Variants in SRRM2 observed in about 807,000 individuals in gnomAD.
SRRM2 encodes serine/arginine repetitive matrix protein 2.
In SRRM2, 30 loss-of-function variants were observed where a neutral mutation model predicts 213.8. The observed-to-expected ratio is 0.14, with a 90% confidence interval of 0.10 to 0.19. The LOEUF is 0.19. SRRM2 is among the 10% of genes least tolerant of loss of function. The pLI, the probability that SRRM2 is intolerant of heterozygous loss-of-function variation, is 1.00. For synonymous variants in SRRM2, 2,025 were observed against 1,377.7 expected (o/e 1.47, Z -10.40); for missense variants, 4,904 against 3,647.0 (o/e 1.34, Z -8.88).
chr16:2,758,020 C>A (rs1157634874), intron 4 of SRRM2, 75 bp downstream of exon 4: 44 of 1,511,636 alleles, frequency 2.9e-5, no homozygotes, highest in Non-Finnish European at 3.7e-5. Flanking sequence ...TGTCTTTTTG[C>A]GGGCTGGTTT....
In SRRM2 at chr16:2,764,051, G is replaced by T; in HGVS notation, c.3523G>T (p.Asp1175Tyr). 6.2e-7 allele frequency: 1 copy of T among 1,614,178 alleles called. No individual in the cohort carries two copies. The highest frequency in any genetic ancestry group is 8.5e-7 in the Non-Finnish European group (1 of 1,180,036). The stretch of plus-strand genomic sequence containing the variant: ...GAAAATGGCCTTACCCCCTCAGGAG[G>T]ATGCTACTGCATCACCTCCTAGACA... ...KEKMALPPQE[D>Y]ATASPPRQKD... is the part of the protein sequence containing the mutation. Residue 1175 changes from aspartate (D) to tyrosine (Y), a missense_variant, in exon 11 of 15, where the codon GAT (aspartate) becomes TAT (tyrosine). Coordinates refer to ENST00000301740, the MANE Select transcript of SRRM2 (RefSeq NM_016333.4).
At chr16:2,760,144 C>G in intron 9 of SRRM2, 157 bp from the exon 10 acceptor site, 1 of 711,446 alleles carries the variant, frequency 1.4e-6, no homozygotes, top group Non-Finnish European at 2.4e-6. Context: ...GTGGACTGTA[C>G]TTGCATTTCA....
chr16:2,758,897 T>C (rs1345361124), intron 5 of SRRM2, 88 bp from the exon 6 acceptor site: 3 of 1,491,534 alleles, frequency 2.0e-6, no homozygotes, highest in East Asian at 2.3e-5. Flanking sequence ...TTCAAGTGTT[T>C]TAGAAACCTT....
In SRRM2 at chr16:2,765,331, C is replaced by G. The variant is rs1782302344; in HGVS notation, c.4803C>G (p.Ser1601=). Residue 1601 remains serine (S), a synonymous_variant, in exon 11 of 15, where the codon TCC becomes TCG. Transcript: ENST00000301740. ...CTCGGCGCAGTAGGTCTGGTTCCTC[C>G]CCTGAAGTGAAAGATAAGCCAAGAG... ...LSPRRSRSGS[S]PEVKDKPRAA... 3 of 1,614,114 alleles carry G rather than the reference C, an allele frequency of 1.9e-6. No individual in the cohort carries two copies. The highest frequency in any genetic ancestry group is 3.3e-5 in the Admixed American group (2 of 60,024).
In SRRM2 at chr16:2,767,943, C is replaced by T; in HGVS notation, c.7415C>T (p.Ser2472Phe). 1 of 1,614,214 alleles carries T rather than the reference C, an allele frequency of 6.2e-7. No individual in the cohort carries two copies. ...LIAQTTPVAGSQSLSSGAVAT... is the reference protein window; with the variant it reads ...LIAQTTPVAGFQSLSSGAVAT... Reference sequence around the variant, plus strand: ...GCCCAGACCACCCCTGTAGCAGGGTCTCAGTCCCTTTCCTCTGGGGCAGTG... The same window carrying T: ...GCCCAGACCACCCCTGTAGCAGGGTTTCAGTCCCTTTCCTCTGGGGCAGTG... The change falls in exon 11 of 15, where the codon TCT (serine) becomes TTT (phenylalanine). Residue 2472 changes from serine (S) to phenylalanine (F), a missense_variant. Physicochemically the swap from Ser to Phe is radical, Grantham distance 155 (BLOSUM62 -2). Coordinates refer to ENST00000301740, the MANE Select transcript of SRRM2 (RefSeq NM_016333.4).
intron 11 of SRRM2, chr16:2,768,493 C>G: frequency 1.5e-6 from 1 of 685,004 alleles, no homozygotes; most frequent in East Asian, 2.7e-5. Flanking sequence ...GATAAGTTTT[C>G]CGTCTCTACA....
chr16:2,753,989 A>C (rs2068044743), intron 1 of SRRM2, among the ~76,000 whole-genome samples: 2 of 151,656 alleles, frequency 1.3e-5, no homozygotes, highest in African/African-American at 4.9e-5. Context: ...TTAGCTTACC[A>C]CTCGGATAAT....
chr16:2,757,568 G>T lies in SRRM2; in HGVS notation c.339G>T (p.Gly113=). Reference sequence around the variant, plus strand: ...CTGGGGGCAAGGAGGAGACCCCAGGGCAGAGGCCAGCGTGAGTGTTGCGCT... The same window carrying T: ...CTGGGGGCAAGGAGGAGACCCCAGGTCAGAGGCCAGCGTGAGTGTTGCGCT... ...VNPGGKEETP[G]QRPAVTETHQ... is the part of the protein sequence containing the mutation. Residue 113 remains glycine, a synonymous_variant, in exon 3 of 15, where the codon GGG becomes GGT. Coordinates refer to ENST00000301740, the MANE Select transcript of SRRM2 (RefSeq NM_016333.4). The T allele has an allele frequency of 6.2e-7, 1 of 1,613,682 alleles. No homozygotes were observed. Among genetic ancestry groups the T allele is most frequent in the Non-Finnish European group, 8.5e-7 (1 of 1,179,704 alleles).
chr16:2,754,137 G>A (rs1322705537), intron 1 of SRRM2, among the ~76,000 whole-genome samples: 1 of 152,128 alleles, frequency 6.6e-6, no homozygotes, highest in Non-Finnish European at 1.5e-5. Context: ...GGTGATTTGT[G>A]TGTGGTGTTG....
rs2068488975 is a variant in SRRM2, at chr16:2,764,979, C to T, written c.4451C>T (p.Pro1484Leu). 6.2e-7 allele frequency: 1 copy of T among 1,613,978 alleles called. No homozygotes were observed. Among genetic ancestry groups the T allele is most frequent in the African/African-American group, 1.3e-5 (1 of 74,890 alleles). Residue 1484 changes from proline (P) to leucine (L), a missense_variant, in exon 11 of 15, where the codon CCA (proline) becomes CTA (leucine). Coordinates refer to ENST00000301740, the MANE Select transcript of SRRM2 (RefSeq NM_016333.4). ...SRGRSECDSS[P>L]EPKALPQTPR... is the part of the protein sequence containing the mutation. ...GGGAGAAGCGAATGTGATTCTTCCCCAGAACCGAAAGCTTTGCCTCAGACT... is the reference window on the plus strand; with the variant it reads ...GGGAGAAGCGAATGTGATTCTTCCCTAGAACCGAAAGCTTTGCCTCAGACT...
chr16:2,766,718 G>A lies in SRRM2; in HGVS notation c.6190G>A (p.Gly2064Ser). 6.2e-7 allele frequency: 1 copy of A among 1,614,168 alleles called. No individual in the cohort carries two copies. The highest frequency in any genetic ancestry group is 8.5e-7 in the Non-Finnish European group (1 of 1,180,044). ...SRSRTPRTAR[G>S]KRSLTRSPPA... Reference sequence around the variant, plus strand: ...ATCCCGTACTCCACGAACAGCTCGGGGTAAACGGTCCTTAACAAGATCTCC... The same window carrying A: ...ATCCCGTACTCCACGAACAGCTCGGAGTAAACGGTCCTTAACAAGATCTCC... Residue 2064 changes from glycine (G) to serine (S), a missense_variant, in exon 11 of 15, where the codon GGT becomes AGT. Gly to Ser is a moderately conservative substitution (Grantham distance 56). Transcript: ENST00000301740. This position sits in a 1 kb window ranked among gnomAD's most constrained non-coding sequence, Gnocchi z 7.0.
At chr16:2,753,131 G>A (rs945616609) in intron 1 of SRRM2, among the ~76,000 whole-genome samples, 3 of 151,046 alleles carry the variant, frequency 2.0e-5, no homozygotes, top group Admixed American at 6.6e-5. Flanking sequence ...CGCGCGCCTC[G>A]GCTTCACTCC....
In SRRM2 at chr16:2,762,764, A is replaced by T. The variant is rs2068403677; in HGVS notation, c.2236A>T (p.Ser746Cys). ...TSQRRSRSNS[S>C]PEMKKSRISS... is the part of the protein sequence containing the mutation. ...TCAAAGAAGAAGCAGGTCCAATTCAAGCCCAGAAATGAAGAAATCTCGCAT... is the reference window on the plus strand; with the variant it reads ...TCAAAGAAGAAGCAGGTCCAATTCATGCCCAGAAATGAAGAAATCTCGCAT... Residue 746 changes from serine (S) to cysteine (C), a missense_variant, in exon 11 of 15, where the codon AGC (serine) becomes TGC (cysteine). Coordinates refer to ENST00000301740, the MANE Select transcript of SRRM2 (RefSeq NM_016333.4). The T allele has an allele frequency of 6.2e-7, 1 of 1,614,074 alleles. No individual in the cohort carries two copies. The highest frequency in any genetic ancestry group is 1.3e-5 in the African/African-American group (1 of 74,940).
At position 2,770,653 on chromosome 16, in the gene SRRM2, T is replaced by TC; in HGVS notation, c.8190dup (p.Ser2731GlnfsTer10). 6.4e-7 allele frequency: 1 copy of TC among 1,551,478 alleles called. No homozygotes were observed. The highest frequency in any genetic ancestry group is 8.7e-7 in the Non-Finnish European group (1 of 1,147,612). On this transcript the variant is annotated frameshift_variant, in exon 14 of 15. Coordinates refer to ENST00000301740, the MANE Select transcript of SRRM2 (RefSeq NM_016333.4). LOFTEE classifies it high-confidence loss of function. ...GAGAGGCCAGCGTGGGGACAGCCGC[T>TC]CCCCCAGCCACAAGCGCAGGAGGGA...
In SRRM2 at chr16:2,768,043, TGTG is replaced by T; in HGVS notation, c.7517_7519del (p.Val2506del). On this transcript the variant is annotated inframe_deletion, in exon 11 of 15. Coordinates refer to ENST00000301740, the MANE Select transcript of SRRM2 (RefSeq NM_016333.4). Reference sequence around the variant, plus strand: ...CTGCCCCTGGGGTGCCCCACTCTGATGTGGGGGAGCCACCTGCCTCTACTGGGG... The same window carrying T: ...CTGCCCCTGGGGTGCCCCACTCTGATGGGGAGCCACCTGCCTCTACTGGGG... The T allele has an allele frequency of 1.2e-6, 2 of 1,614,122 alleles. No individual in the cohort carries two copies. The highest frequency in any genetic ancestry group is 1.7e-6 in the Non-Finnish European group (2 of 1,179,980).
intron 1 of SRRM2, among the ~76,000 whole-genome samples, chr16:2,755,860 C>T (rs756109082): frequency 6.6e-6 from 1 of 152,018 alleles, no homozygotes; most frequent in Non-Finnish European, 1.5e-5. Flanking sequence ...GGACTAGAGG[C>T]CGTTGGGTGC....
rs1419700523 is a variant in SRRM2, at chr16:2,754,598, C to T, written c.-31-1736C>T. On this transcript the variant is annotated intron_variant, in intron 1 of 14. Coordinates refer to ENST00000301740, the MANE Select transcript of SRRM2 (RefSeq NM_016333.4). ...AGCCACCGTACCCGGCCTGGTTTTC[C>T]TTTCTTAAGGAGTGGGGGGATTTTT... 2.6e-5 allele frequency among the ~76,000 whole-genome samples: 4 copies of T among 152,104 alleles called. No homozygotes were observed. In the South Asian group the frequency reaches 6.2e-4, roughly 24 times the overall value.
Position 2,765,073 on chromosome 16 carries a change from A to G in SRRM2, c.4545A>G (p.Glu1515=), listed in dbSNP as rs776148473. Residue 1515 remains glutamate, a synonymous_variant, in exon 11 of 15, where the codon GAA becomes GAG. Transcript: ENST00000301740. ...LNNKCLTPQR[E]RSGSESSVDQ... is the part of the protein sequence containing the mutation. The stretch of plus-strand genomic sequence containing the variant: ...ACAAGTGTCTTACCCCCCAGAGAGA[A>G]AGAAGCGGGTCAGAATCATCAGTTG... 1.2e-5 allele frequency: 19 copies of G among 1,614,024 alleles called. No homozygotes were observed. In the Admixed American group the frequency reaches 2.2e-4, roughly 18 times the overall value.
intron 4 of SRRM2, 57 bp from the exon 5 acceptor site, chr16:2,758,413 A>G (rs1052372167): frequency 2.8e-6 from 4 of 1,406,666 alleles, no homozygotes; most frequent in African/African-American, 2.9e-5. Flanking sequence ...TCTTTTAAAG[A>G]AAAGAAAGGA....
Sources: allele counts gnomAD v4.1 joint callset (sites outside exome capture counted in the v4.1 genomes callset), GRCh38; gene constraint gnomAD v4.1.1; non-coding constraint Gnocchi (gnomAD v3.1); transcripts MANE v1.5; gene names NCBI Gene and HGNC (gene_info 2026-07-23, HGNC 2026-07-21).